RAF1: variants seen among roughly 807,000 people sequenced by gnomAD.
RAF1 encodes RAF proto-oncogene serine/threonine-protein kinase.
Under a neutral mutation model 81.1 loss-of-function variants are expected in RAF1, and 27 were observed. The observed-to-expected ratio is 0.33, with a 90% confidence interval of 0.25 to 0.46. RAF1 has a LOEUF of 0.46. RAF1 is among the 20% of genes least tolerant of loss of function. RAF1 has a pLI of 1.00. For missense variants in RAF1, 598 were observed against 826.0 expected (o/e 0.72, Z 3.38); for synonymous variants, 298 against 294.0 (o/e 1.01, Z -0.14).
At chr3:12,634,311 T>C (rs77707425) in intron 1 of RAF1, among the ~76,000 whole-genome samples, 31,955 of 150,992 alleles carry the variant, frequency 0.21, 3,629 homozygotes, top group African/African-American at 0.29. Context: ...CACGCCTGGC[T>C]AATTTTTTTT....
intron 11 of RAF1, among the ~76,000 whole-genome samples, chr3:12,597,588 A>G (rs758819326): frequency 3.9e-5 from 6 of 152,118 alleles, no homozygotes; most frequent in Admixed American, 2.0e-4. Flanking sequence ...GTTCTTTCCT[A>G]AGGAATCCTG....
chr3:12,643,484 T>TA (rs1191718975), intron 1 of RAF1, among the ~76,000 whole-genome samples: 4 of 152,172 alleles, frequency 2.6e-5, no homozygotes, highest in Non-Finnish European at 5.9e-5. Context: ...CTCACACCTG[T>TA]AATCCCAGCA....
intron 13 of RAF1, chr3:12,590,152 T>C (rs1217892349): frequency 6.6e-6 from 1 of 152,172 alleles, no homozygotes; most frequent in Non-Finnish European, 1.5e-5. Flanking sequence ...TAAACCCTCA[T>C]GTGGGACAGC....
At chr3:12,607,949 CAAAAAAAAAAAAAAA>C (rs58308841) in intron 5 of RAF1, among the ~76,000 whole-genome samples, 2 of 66,860 alleles carry the variant, frequency 3.0e-5, no homozygotes, top group African/African-American at 6.0e-5. Flanking sequence ...GACTTGTCTC[CAAAAAAAAAAAAAAA>C]AAAAAAAAAG....
chr3:12,608,513 A>T, intron 5 of RAF1: 1 of 531,406 alleles, frequency 1.9e-6, no homozygotes, highest in Non-Finnish European at 3.4e-6. Context: ...TTCCTTACTG[A>T]ATCACAGTCA....
At chr3:12,612,603 C>T (rs907767287) in intron 2 of RAF1, among the ~76,000 whole-genome samples, 1 of 148,228 alleles carries the variant, frequency 6.7e-6, no homozygotes, top group Non-Finnish European at 1.5e-5. Context: ...GAGCTGAGAT[C>T]GCACCATTGC....
chr3:12,658,038 A>C (rs1296347859), intron 1 of RAF1, among the ~76,000 whole-genome samples: 1 of 152,132 alleles, frequency 6.6e-6, no homozygotes, highest in Non-Finnish European at 1.5e-5. Context: ...CTTTTACTTA[A>C]TATGTTTCCA....
chr3:12,588,505 T>C (rs1383295951), intron 13 of RAF1: 1 of 152,232 alleles, frequency 6.6e-6, no homozygotes, highest in Non-Finnish European at 1.5e-5. Flanking sequence ...GCCCTCAGTG[T>C]ACTGAATACT....
intron 2 of RAF1, among the ~76,000 whole-genome samples, chr3:12,614,703 G>C (rs558865754): frequency 8.0e-5 from 2 of 25,016 alleles, no homozygotes; most frequent in East Asian, 0.053. Context: ...TGGGATTACA[G>C]GGAAGAGCCT....
At chr3:12,648,753 A>G (rs2060430041) in intron 1 of RAF1, among the ~76,000 whole-genome samples, 1 of 152,136 alleles carries the variant, frequency 6.6e-6, no homozygotes, top group African/African-American at 2.4e-5. Flanking sequence ...TTCAAAAAAA[A>G]AAAAGTAACC....
chr3:12,603,226 G>A (rs771849067), intron 8 of RAF1, among the ~76,000 whole-genome samples: 29 of 152,052 alleles, frequency 1.9e-4, no homozygotes, highest in African/African-American at 6.5e-4. Context: ...GACATACACC[G>A]TCATGCCTGG....
intron 1 of RAF1, among the ~76,000 whole-genome samples, chr3:12,661,874 T>C (rs1575696733): frequency 6.6e-6 from 1 of 151,584 alleles, no homozygotes; most frequent in Non-Finnish European, 1.5e-5. Flanking sequence ...AAACATTTGA[T>C]ATAAAACACT....
In RAF1 at chr3:12,633,934, C is replaced by CAAA. The variant is rs35322613; in HGVS notation, c.-26-15190_-26-15188dup. On this transcript the variant is annotated intron_variant, in intron 1 of 17. Coordinates refer to ENST00000442415, the MANE Select transcript of RAF1 (RefSeq NM_001354689.3). The stretch of plus-strand genomic sequence containing the variant: ...AGGGCAACAAGAGTAAAAACTCTCT[C>CAAA]AAAAAAAAAAAAAAAAACAAAAAAA... Among the ~76,000 whole-genome samples, 236 of 95,542 alleles carry CAAA rather than the reference C, an allele frequency of 2.5e-3. 1 individual carries two copies. The highest frequency in any genetic ancestry group is 3.2e-3 in the Non-Finnish European group (149 of 46,720). 62.7% of individuals were successfully genotyped at this position (95,542 alleles called of 152,430 possible).
intron 11 of RAF1, among the ~76,000 whole-genome samples, chr3:12,594,326 C>T (rs1208438083): frequency 4.6e-5 from 7 of 152,260 alleles, no homozygotes; most frequent in African/African-American, 1.4e-4. Flanking sequence ...GAGCCTTTAA[C>T]GGGAGGGGAC....
rs71063851 is a variant in RAF1 at position 12,634,153 on chromosome 3, C to CTT, written c.-26-15408_-26-15407dup. ...TTGAACCTCCATGATTCCTTTCTCT[C>CTT]TTTTTTTTTTTTTGAGATGAGTCTT... On this transcript the variant is annotated intron_variant, in intron 1 of 17. Coordinates refer to ENST00000442415, the MANE Select transcript of RAF1 (RefSeq NM_001354689.3). Among the ~76,000 whole-genome samples, 52 of 141,510 alleles carry CTT rather than the reference C, an allele frequency of 3.7e-4. 3 individuals carry two copies. Among genetic ancestry groups the CTT allele is most frequent in the African/African-American group, 5.8e-4 (22 of 38,210 alleles). 92.8% of individuals were successfully genotyped at this position (141,510 alleles called of 152,430 possible). A position where few individuals can be genotyped will look rare whatever the true frequency, so the allele number is the denominator to read the frequency against.
At chr3:12,628,696 G>A (rs931536123) in intron 1 of RAF1, among the ~76,000 whole-genome samples, 2 of 133,310 alleles carry the variant, frequency 1.5e-5, no homozygotes, top group African/African-American at 2.7e-5. Flanking sequence ...TACTTTAATG[G>A]ATACACTGGC....
intron 2 of RAF1, among the ~76,000 whole-genome samples, chr3:12,613,289 A>G (rs1214618353): frequency 6.6e-6 from 1 of 152,212 alleles, no homozygotes. Flanking sequence ...TAAGGTAACT[A>G]GAGTCAGTAT....
At chr3:12,612,206 A>G in intron 2 of RAF1, 144 bp from the exon 3 acceptor site, 2 of 698,990 alleles carry the variant, frequency 2.9e-6, no homozygotes, top group Non-Finnish European at 5.2e-6. Context: ...ATGTCCAGCA[A>G]TAGGAAAGTA....
In RAF1 at chr3:12,583,958, C is replaced by A. The variant is rs187286358; in HGVS notation, c.*556G>T. On this transcript the variant is annotated 3_prime_UTR_variant, in exon 18 of 18. Transcript: ENST00000442415. ...CACCTTAGAAGCTGTGAAAGGAGGA[C>A]GTGTCCCCTAAGAAAAGTTCCATAG... 1 of 244,358 alleles carries A rather than the reference C, an allele frequency of 4.1e-6. No homozygotes were observed. Among genetic ancestry groups the A allele is most frequent in the East Asian group, 5.8e-5 (1 of 17,248 alleles). The allele number at this position is 244,358 out of a possible 1,614,324, so 15.1% of individuals were successfully genotyped here.
Sources: gnomAD v4.1 joint callset for allele counts (sites outside exome capture counted in the v4.1 genomes callset) on GRCh38, gnomAD v4.1.1 for gene constraint, MANE v1.5 for transcripts, NCBI Gene and HGNC (gene_info 2026-07-23, HGNC 2026-07-21) for gene names.